The following DNAH14 variants were observed in gnomAD, a reference collection of about 807,000 sequenced individuals.
DNAH14 encodes the protein axonemal beta dynein heavy chain 14.
DNAH14 carries 478 observed loss-of-function variants against 520.9 expected under a neutral mutation model. The ratio of observed to expected loss-of-function variants is 0.92; its 90% CI spans 0.85 to 0.99. DNAH14 has a LOEUF of 0.99. Ranked by LOEUF, DNAH14 falls within the 50% of genes least tolerant of loss-of-function variation. DNAH14 has a pLI of 0.00. For synonymous variants in DNAH14, 1,581 were observed against 1,757.2 expected, an observed-to-expected ratio of 0.90 and a Z score of 2.51; for missense variants, 4,831 against 5,234.5, an observed-to-expected ratio of 0.92 and a Z score of 2.38.
intron 42 of DNAH14, among the ~76,000 whole-genome samples, chr1:225,233,516 G>A (rs1335103254): frequency 1.3e-5 from 2 of 152,142 alleles, no homozygotes; most frequent in Non-Finnish European, 2.9e-5. Context: ...GGCATGTGAT[G>A]GTAGCTCGTT....
At chr1:225,134,422 G>T (rs189068254) in intron 27 of DNAH14, among the ~76,000 whole-genome samples, 511 of 152,212 alleles carry the variant, frequency 3.4e-3, no homozygotes, top group East Asian at 6.4e-3. Context: ...TTTATTGAGA[G>T]TTTTTAACAT....
chr1:225,364,690 A>G (rs2095531760), intron 75 of DNAH14, 102 bp from the exon 76 acceptor site: 2 of 796,832 alleles, frequency 2.5e-6, no homozygotes, highest in Non-Finnish European at 1.9e-6. Context: ...CAGTATTAAA[A>G]TGATTCGTAA....
chr1:225,083,483 A>G (rs1352712647), intron 20 of DNAH14, among the ~76,000 whole-genome samples: 1 of 152,144 alleles, frequency 6.6e-6, no homozygotes, highest in African/African-American at 2.4e-5. Context: ...GTGAACTCCA[A>G]ATTCACATAT....
intron 29 of DNAH14, 54 bp from the exon 30 acceptor site, chr1:225,145,272 T>C (rs1044762911): frequency 1.4e-6 from 2 of 1,388,332 alleles, no homozygotes; most frequent in Non-Finnish European, 2.0e-6. Flanking sequence ...AGTTTTAACA[T>C]TAGTATTTTG....
intron 60 of DNAH14, among the ~76,000 whole-genome samples, chr1:225,316,736 GA>G (rs1399490260): frequency 6.6e-6 from 1 of 152,112 alleles, no homozygotes; most frequent in Non-Finnish European, 1.5e-5. Context: ...TGGAAATGCA[GA>G]AATCACCCAC....
rs1462814296 is a variant in DNAH14, at chr1:225,123,634, A to G, written c.4254+20A>G. ...ACTGTGGTAAGTTAATGCTGCTTTG[A>G]TGTATGTATACAGGGACACCTTGGA... is the stretch of plus-strand genomic sequence containing the variant. On this transcript the variant is annotated intron_variant, in intron 27 of 85. Transcript: ENST00000682510. The G allele has an allele frequency of 7.6e-6, 3 of 392,948 alleles. No individual in the cohort carries two copies. The East Asian group carries it at 2.4e-4, about 31-fold the overall frequency. 24.3% of individuals were successfully genotyped at this position (392,948 alleles called of 1,614,324 possible). A position where few individuals can be genotyped will look rare whatever the true frequency, so the allele number is the denominator to read the frequency against.
chr1:225,116,729 A>C (rs2148854099), intron 23 of DNAH14, among the ~76,000 whole-genome samples: 1 of 152,342 alleles, frequency 6.6e-6, no homozygotes, highest in Admixed American at 6.5e-5. Flanking sequence ...CTTTTGATGG[A>C]AAATAATAAG....
intron 8 of DNAH14, among the ~76,000 whole-genome samples, chr1:224,989,765 A>G (rs777106366): frequency 3.3e-5 from 5 of 152,138 alleles, no homozygotes; most frequent in South Asian, 2.1e-4. Context: ...TTTTTATCCT[A>G]AAAGTGTGCT....
At chr1:225,318,140 G>A (rs193110083) in intron 60 of DNAH14, among the ~76,000 whole-genome samples, 4 of 152,188 alleles carry the variant, frequency 2.6e-5, no homozygotes, top group Non-Finnish European at 4.4e-5. Flanking sequence ...CAGTTCAAAT[G>A]TCTTACTTTT....
At chr1:225,011,908 T>C (rs893722505) in intron 10 of DNAH14, among the ~76,000 whole-genome samples, 1 of 152,124 alleles carries the variant, frequency 6.6e-6, no homozygotes, top group African/African-American at 2.4e-5. Context: ...TTATCTGATT[T>C]GCCAGTCTGT....
chr1:225,042,119 A>G (rs2067532559), intron 12 of DNAH14, among the ~76,000 whole-genome samples: 1 of 152,212 alleles, frequency 6.6e-6, no homozygotes, highest in South Asian at 2.1e-4. Flanking sequence ...AGGTTTATTT[A>G]TAACGTTAAC....
chr1:225,390,835 A>G (rs1474602458), intron 83 of DNAH14, among the ~76,000 whole-genome samples: 1 of 152,148 alleles, frequency 6.6e-6, no homozygotes, highest in Non-Finnish European at 1.5e-5. Context: ...CAGAGAGAAA[A>G]CCTTAGCACA....
chr1:225,341,663 T>TCAAA (rs897691777), intron 69 of DNAH14, among the ~76,000 whole-genome samples: 8 of 152,098 alleles, frequency 5.3e-5, no homozygotes, highest in African/African-American at 1.9e-4. Context: ...CAAAACTCCT[T>TCAAA]CAAACAAACA....
chr1:225,017,497 C>G (rs1369980217), intron 10 of DNAH14, among the ~76,000 whole-genome samples: 1 of 152,236 alleles, frequency 6.6e-6, no homozygotes, highest in Non-Finnish European at 1.5e-5. Flanking sequence ...AATGTGTTCA[C>G]TCATGGCACC....
intron 41 of DNAH14, among the ~76,000 whole-genome samples, chr1:225,222,968 G>A (rs1259001150): frequency 1.3e-5 from 2 of 152,076 alleles, no homozygotes; most frequent in Admixed American, 6.6e-5. Flanking sequence ...GGGCTGCTTT[G>A]CTCAATTCTA....
chr1:225,393,814 G>GTTTTTTTTTT (rs1354333069), intron 84 of DNAH14, among the ~76,000 whole-genome samples: 1 of 143,120 alleles, frequency 7.0e-6, no homozygotes, highest in African/African-American at 2.7e-5. Flanking sequence ...ATCTTTTTTT[G>GTTTTTTTTTT]TTTTTTTTTT....
intron 21 of DNAH14, among the ~76,000 whole-genome samples, chr1:225,093,872 T>G (rs1272874596): frequency 6.6e-6 from 1 of 152,038 alleles, no homozygotes; most frequent in Non-Finnish European, 1.5e-5. Context: ...AAGAATGCAG[T>G]CCCATTCACA....
intron 10 of DNAH14, among the ~76,000 whole-genome samples, chr1:225,008,403 A>G (rs1477056294): frequency 6.6e-6 from 1 of 152,170 alleles, no homozygotes; most frequent in South Asian, 2.1e-4. Context: ...ATGAGTCTTT[A>G]TAGTAGAATG....
At chr1:225,145,845 C>T (rs898901830) in intron 30 of DNAH14, among the ~76,000 whole-genome samples, 1 of 152,122 alleles carries the variant, frequency 6.6e-6, no homozygotes, top group African/African-American at 2.4e-5. Flanking sequence ...GTTTCGTTTG[C>T]ACATTATCTG....
Sources: gnomAD v4.1 joint callset for allele counts (sites outside exome capture counted in the v4.1 genomes callset) on GRCh38, gnomAD v4.1.1 for gene constraint, MANE v1.5 for transcripts, NCBI Gene and HGNC (gene_info 2026-07-23, HGNC 2026-07-21) for gene names.